Variants in UBAC2 observed in about 807,000 individuals in gnomAD.
The protein encoded by UBAC2 is UBA domain containing 2.
In UBAC2, 26 loss-of-function variants were observed where a neutral mutation model predicts 44.0. The observed-to-expected ratio is 0.59, with a 90% CI of 0.43 to 0.82. The LOEUF (loss-of-function observed/expected upper bound fraction) is 0.82, where lower values mean the gene tolerates loss of function less well. Among genes scored for constraint, UBAC2 ranks in the 40% least tolerant of loss-of-function variants. The pLI, the probability that UBAC2 is intolerant of heterozygous loss-of-function variation, is 0.00. For missense variants in UBAC2, 329 were observed against 419.4 expected (o/e 0.78, Z 1.88); for synonymous variants, 155 against 154.3 (o/e 1.00, Z -0.04).
chr13:99,342,664 G>A (rs1301087882), intron 7 of UBAC2, among the ~76,000 whole-genome samples: 1 of 152,192 alleles, frequency 6.6e-6, no homozygotes, highest in Non-Finnish European at 1.5e-5. Context: ...TCCATTTGGT[G>A]CCTTTTCTGT....
chr13:99,297,565 G>A (rs893892611), intron 4 of UBAC2, among the ~76,000 whole-genome samples: 1 of 152,064 alleles, frequency 6.6e-6, no homozygotes, highest in Non-Finnish European at 1.5e-5. Context: ...GTCATGTTAT[G>A]TTAGAGGTAT....
intron 1 of UBAC2, among the ~76,000 whole-genome samples, chr13:99,233,115 C>CT (rs762104839): frequency 0.011 from 1,644 of 143,138 alleles, 21 homozygotes; most frequent in East Asian, 0.086. Context: ...GATTTGGTTT[C>CT]TTTTTTTTTT....
rs966775553 is a variant in UBAC2, at chr13:99,308,325, A to T, written c.390-5772A>T. Among the ~76,000 whole-genome samples, 7 of 152,222 alleles carry T rather than the reference A, an allele frequency of 4.6e-5. No individual in the cohort carries two copies. The East Asian group carries it at 1.2e-3, about 25-fold the overall frequency. ...GGAGAACTGATTAAATAAGCTGGGG[A>T]TGTGTATGCTTTGTAGGCATAGGGT... On this transcript the variant is annotated intron_variant, in intron 4 of 8. Transcript: ENST00000403766.
chr13:99,217,095 T>A (rs1004301911), intron 1 of UBAC2, among the ~76,000 whole-genome samples: 14 of 152,142 alleles, frequency 9.2e-5, no homozygotes, highest in Admixed American at 3.3e-4. Flanking sequence ...CCTCCCAAAG[T>A]GCTGGGATCA....
chr13:99,237,493 GGA>G (rs368791975), intron 1 of UBAC2, among the ~76,000 whole-genome samples: 40 of 152,222 alleles, frequency 2.6e-4, no homozygotes, highest in Middle Eastern at 3.4e-3. Flanking sequence ...AGGGTAGGAG[GGA>G]GAGGGGGATA....
intron 4 of UBAC2, among the ~76,000 whole-genome samples, chr13:99,283,719 T>C (rs1444861770): frequency 2.4e-3 from 2 of 822 alleles, no homozygotes; most frequent in East Asian, 0.071. Flanking sequence ...CCACCTTTTT[T>C]TTTTTTTTTT....
chr13:99,327,109 T>C (rs2044650392), intron 6 of UBAC2, among the ~76,000 whole-genome samples: 1 of 152,212 alleles, frequency 6.6e-6, no homozygotes. Context: ...CCTCTCTCCA[T>C]GCTTGGTTAA....
At chr13:99,354,455 G>T (rs1473852035) in intron 7 of UBAC2, among the ~76,000 whole-genome samples, 1 of 152,208 alleles carries the variant, frequency 6.6e-6, no homozygotes, top group East Asian at 1.9e-4. Context: ...CCAGACTCAG[G>T]GTTTTATTCT....
intron 1 of UBAC2, 76 bp from the exon 2 acceptor site, chr13:99,238,351 C>T: frequency 5.9e-6 from 9 of 1,536,838 alleles, no homozygotes; most frequent in Non-Finnish European, 7.9e-6. Flanking sequence ...GAAGTGAATT[C>T]TCTTGCTTTT....
intron 8 of UBAC2, among the ~76,000 whole-genome samples, chr13:99,371,497 G>T (rs534708265): frequency 9.4e-4 from 143 of 152,220 alleles, no homozygotes; most frequent in African/African-American, 3.2e-3. Context: ...AAAAGATACT[G>T]TTGTTGCCCT....
chr13:99,282,040 A>G (rs898687089), intron 4 of UBAC2, among the ~76,000 whole-genome samples: 12 of 152,170 alleles, frequency 7.9e-5, no homozygotes, highest in African/African-American at 2.7e-4. Context: ...GAGTTTCCTC[A>G]CCCTCAGCAC....
At chr13:99,305,478 A>G (rs979923313) in intron 4 of UBAC2, among the ~76,000 whole-genome samples, 3 of 152,218 alleles carry the variant, frequency 2.0e-5, no homozygotes, top group Non-Finnish European at 4.4e-5. Flanking sequence ...AAGCTCTTTT[A>G]AATGTAAGCT....
chr13:99,350,984 G>A (rs2045077301), intron 7 of UBAC2, among the ~76,000 whole-genome samples: 1 of 152,180 alleles, frequency 6.6e-6, no homozygotes, highest in Non-Finnish European at 1.5e-5. Flanking sequence ...TCGTGTGTGA[G>A]TGTAGAAAGG....
At position 99,367,879 on chromosome 13, in the gene UBAC2, G is replaced by T. The variant is rs758121913; in HGVS notation, c.900G>T (p.Ala300=). 2.6e-5 allele frequency: 42 copies of T among 1,613,780 alleles called. No homozygotes were observed. Among genetic ancestry groups the T allele is most frequent in the Non-Finnish European group, 3.5e-5 (41 of 1,179,862 alleles). The change falls in exon 8 of 9, where the codon GCG becomes GCT. Residue 300 remains alanine (A), a synonymous_variant. Transcript: ENST00000403766. The part of the protein sequence containing the change: ...YQGGRQSEPA[A]PPLEVSEEQV... ...GCGGTCGGCAGTCTGAGCCAGCAGC[G>T]CCCCCTCTAGAAGTTTCTGAGGAAC...
intron 4 of UBAC2, chr13:99,294,939 C>T (rs937927726): frequency 1.8e-6 from 2 of 1,103,236 alleles, no homozygotes; most frequent in African/African-American, 1.6e-5. Context: ...GGGAAAGTGC[C>T]CAATGAAAGA....
At chr13:99,204,499 A>G (rs1415203067) in intron 1 of UBAC2, among the ~76,000 whole-genome samples, 1 of 152,214 alleles carries the variant, frequency 6.6e-6, no homozygotes, top group African/African-American at 2.4e-5. Context: ...TGAGACAAGA[A>G]CTAGGGACAG....
chr13:99,273,863 C>CTTTTTTTTTTT (rs199875385), intron 4 of UBAC2, among the ~76,000 whole-genome samples: 1 of 137,970 alleles, frequency 7.2e-6, no homozygotes. Context: ...CAGTTTTCAT[C>CTTTTTTTTTTT]TTTTTTTTTT....
intron 3 of UBAC2, among the ~76,000 whole-genome samples, 189 bp downstream of exon 3, chr13:99,244,140 A>G (rs1333707745): frequency 6.6e-6 from 1 of 152,202 alleles, no homozygotes; most frequent in African/African-American, 2.4e-5. Context: ...TTAGCATAAT[A>G]ATAATAGTGA....
intron 7 of UBAC2, among the ~76,000 whole-genome samples, chr13:99,352,357 G>T (rs997471440): frequency 9.9e-5 from 15 of 152,164 alleles, no homozygotes; most frequent in Non-Finnish European, 1.5e-5. Flanking sequence ...CCTGTCCTAG[G>T]CAGCCACTTA....
Sources: allele counts gnomAD v4.1 joint callset (sites outside exome capture counted in the v4.1 genomes callset), GRCh38; gene constraint gnomAD v4.1.1; transcripts MANE v1.5; gene names NCBI Gene and HGNC (gene_info 2026-07-23, HGNC 2026-07-21).